ZBTB11: variants seen among roughly 807,000 people sequenced by gnomAD.
ZBTB11 encodes the protein zinc finger and BTB domain containing 11.
In ZBTB11, 68 loss-of-function variants were observed where a neutral mutation model predicts 113.1. The observed-to-expected ratio is 0.60, with a 90% CI of 0.49 to 0.74. The LOEUF (loss-of-function observed/expected upper bound fraction) is 0.74. ZBTB11 is among the 30% of genes least tolerant of loss of function. The pLI is 0.00. For missense variants in ZBTB11, 1,104 were observed against 1,279.4 expected (o/e 0.86, Z 2.09); for synonymous variants, 518 against 452.6 (o/e 1.14, Z -1.83).
In ZBTB11 at chr3:101,664,800, T is replaced by A. The variant is rs866129291; in HGVS notation, c.1624-86A>T. The stretch of plus-strand genomic sequence containing the variant: ...TGTTGTAAATTTCTAACAAAAAGAT[T>A]TCAAATTCACATTATCTTATTAATA... On this transcript the variant is annotated intron_variant, in intron 4 of 10. Coordinates refer to ENST00000312938, the MANE Select transcript of ZBTB11 (RefSeq NM_014415.4). The A allele has an allele frequency of 4.7e-6, 7 of 1,488,112 alleles. 1 individual carries two copies. The Middle Eastern group carries it at 7.2e-4, about 153-fold the overall frequency. The allele number at this position is 1,488,112 out of a possible 1,614,324, so 92.2% of individuals were successfully genotyped here. A position where few individuals can be genotyped will look rare whatever the true frequency, so the allele number is the denominator to read the frequency against.
Position 101,665,120 on chromosome 3 carries a change from T to C in ZBTB11, c.1467A>G (p.Ala489=), listed in dbSNP as rs910603935. The C allele has an allele frequency of 1.9e-6, 3 of 1,614,206 alleles. No homozygotes were observed. Among genetic ancestry groups the C allele is most frequent in the African/African-American group, 1.3e-5 (1 of 75,042 alleles). ...GGCCAAAGTCTGTCTTTGCTGTTGA[T>C]GCAACTAGATTTTCCTGATCTTTTA... ...QPLKDQENLV[A]STAKTDFGPD... Residue 489 remains alanine, a synonymous_variant, in exon 4 of 11, where the codon GCA becomes GCG. Transcript: ENST00000312938.
At chr3:101,658,416 GGCCAGGATTGTTA>G (rs1485138523) in intron 6 of ZBTB11, among the ~76,000 whole-genome samples, 1 of 151,874 alleles carries the variant, frequency 6.6e-6, no homozygotes, top group Non-Finnish European at 1.5e-5. Context: ...TAGTAGAGAT[GGCCAGGATTGTTA>G]GCCAGGATGG....
rs1936722518 is a variant in ZBTB11 at position 101,652,509 on chromosome 3, C to A, written c.2631G>T (p.Met877Ile). 1 of 1,613,788 alleles carries A rather than the reference C, an allele frequency of 6.2e-7. No homozygotes were observed. Among genetic ancestry groups the A allele is most frequent in the Non-Finnish European group, 8.5e-7 (1 of 1,179,946 alleles). Residue 877 changes from methionine to isoleucine, a missense_variant, in exon 10 of 11, where the codon ATG becomes ATT. Physicochemically the swap from Met to Ile is conservative, Grantham distance 10 (BLOSUM62 1). Around this residue, in one of 5 missense-constraint regions of ZBTB11, gnomAD observed 148 missense variants for 259.3 expected, o/e 0.57. Transcript: ENST00000312938. ...FTQLREYRRHMNNHEGVKPFE... is the reference protein window; with the variant it reads ...FTQLREYRRHINNHEGVKPFE... Reference sequence around the variant, plus strand: ...AAGTATAGTTACCTTCATGGTTGTTCATGTGTCTCCTATACTCTCTTAGCT... The same window carrying A: ...AAGTATAGTTACCTTCATGGTTGTTAATGTGTCTCCTATACTCTCTTAGCT...
At chr3:101,663,129 C>G (rs563683964) in intron 5 of ZBTB11, among the ~76,000 whole-genome samples, 1 of 151,964 alleles carries the variant, frequency 6.6e-6, no homozygotes, top group African/African-American at 2.4e-5. Flanking sequence ...TTAGTACAGG[C>G]GGGTTTCACC....
At position 101,665,126 on chromosome 3, in the gene ZBTB11, T is replaced by A; in HGVS notation, c.1461A>T (p.Leu487=). 1 of 1,614,212 alleles carries A rather than the reference T, an allele frequency of 6.2e-7. No individual in the cohort carries two copies. The highest frequency in any genetic ancestry group is 8.5e-7 in the Non-Finnish European group (1 of 1,180,040). Residue 487 remains leucine (L), a synonymous_variant, in exon 4 of 11, where the codon CTA becomes CTT. Transcript: ENST00000312938. ...AGTCTGTCTTTGCTGTTGATGCAAC[T>A]AGATTTTCCTGATCTTTTAAAGGTT... is the stretch of plus-strand genomic sequence containing the variant. ...VDQPLKDQEN[L]VASTAKTDFG...
chr3:101,664,050 T>C (rs977857582), intron 5 of ZBTB11, among the ~76,000 whole-genome samples: 10 of 152,198 alleles, frequency 6.6e-5, no homozygotes, highest in African/African-American at 2.2e-4. Flanking sequence ...TTCCAGAGAG[T>C]AGAAGATGGA....
chr3:101,665,377 C>T lies in ZBTB11; in HGVS notation c.1210G>A (p.Asp404Asn). Residue 404 changes from aspartate to asparagine, a missense_variant, in exon 4 of 11, where the codon GAT (aspartate) becomes AAT (asparagine). Transcript: ENST00000312938. ...ACAGACTCCATTTCAGGATGGGAAT[C>T]AGCTATACATCCTACTGATGACAGG... ...SALSSVGCIA[D>N]SHPEMESVDL... 1 of 1,614,164 alleles carries T rather than the reference C, an allele frequency of 6.2e-7. No individual in the cohort carries two copies. The highest frequency in any genetic ancestry group is 1.1e-5 in the South Asian group (1 of 91,078).
At chr3:101,664,313 G>T (rs988324499) in intron 5 of ZBTB11, among the ~76,000 whole-genome samples, 4 of 152,140 alleles carry the variant, frequency 2.6e-5, no homozygotes, top group Non-Finnish European at 5.9e-5. Flanking sequence ...TTTTTAAAAT[G>T]ATCTTTTTAC....
chr3:101,667,032 G>A (rs191413409), intron 3 of ZBTB11, among the ~76,000 whole-genome samples: 41 of 152,268 alleles, frequency 2.7e-4, no homozygotes, highest in Admixed American at 8.5e-4. Flanking sequence ...TTACAGGCGT[G>A]AGCCACCGCA....
intron 3 of ZBTB11, among the ~76,000 whole-genome samples, chr3:101,668,912 C>G (rs1352689530): frequency 2.6e-5 from 4 of 151,718 alleles, no homozygotes; most frequent in African/African-American, 9.7e-5. Context: ...AATTTGAAAA[C>G]TTTATAAAAA....
chr3:101,666,732 A>G (rs1399124498), intron 3 of ZBTB11, among the ~76,000 whole-genome samples: 1 of 152,060 alleles, frequency 6.6e-6, no homozygotes, highest in East Asian at 1.9e-4. Context: ...AGCCAAGCCA[A>G]TATTTTTATT....
chr3:101,667,010 A>G (rs1418999617), intron 3 of ZBTB11, among the ~76,000 whole-genome samples: 1 of 152,000 alleles, frequency 6.6e-6, no homozygotes, highest in Non-Finnish European at 1.5e-5. Flanking sequence ...CGGCCTCCCA[A>G]AAGTGCTGGG....
chr3:101,653,086 G>A, intron 8 of ZBTB11, 148 bp from the exon 9 acceptor site: 1 of 849,714 alleles, frequency 1.2e-6, no homozygotes, highest in Non-Finnish European at 1.8e-6. Context: ...TTACATAAAG[G>A]CTACAGGGTT....
In ZBTB11 at chr3:101,676,646, T is replaced by C. The variant is rs754844867; in HGVS notation, c.269A>G (p.His90Arg). ...CTTGGACAAGTAGTGCCAGGTCTGA[T>C]GCCGGGTGTGGTGAGTGCCGCCGGG... ...LGPGGTHHTR[H>R]QTWHYLSKTY... Residue 90 changes from histidine (H) to arginine (R), a missense_variant, in exon 1 of 11, where the codon CAT (histidine) becomes CGT (arginine). By Grantham distance (29) the His-to-Arg change is conservative (BLOSUM62 0). Transcript: ENST00000312938. 5.8e-6 allele frequency: 9 copies of C among 1,564,770 alleles called. No individual in the cohort carries two copies. Among genetic ancestry groups the C allele is most frequent in the Non-Finnish European group, 7.8e-6 (9 of 1,153,494 alleles).
intron 6 of ZBTB11, among the ~76,000 whole-genome samples, chr3:101,657,017 T>C (rs886443748): frequency 1.3e-5 from 2 of 151,316 alleles, no homozygotes. Flanking sequence ...GACAGGCATC[T>C]GTAATCCCAA....
intron 3 of ZBTB11, among the ~76,000 whole-genome samples, chr3:101,670,063 G>T (rs1937063841): frequency 6.6e-6 from 1 of 151,942 alleles, no homozygotes; most frequent in Admixed American, 6.6e-5. Context: ...CATGACCTCA[G>T]GTGATCCGCC....
At chr3:101,676,128 A>G (rs992219216) in intron 1 of ZBTB11, among the ~76,000 whole-genome samples, 2 of 152,388 alleles carry the variant, frequency 1.3e-5, no homozygotes, top group African/African-American at 4.8e-5. Flanking sequence ...AGAGCAGCTC[A>G]TACTCGCTCG....
At chr3:101,659,647 CAATA>C in intron 6 of ZBTB11, 132 bp downstream of exon 6, 1 of 1,041,750 alleles carries the variant, frequency 9.6e-7, no homozygotes, top group Non-Finnish European at 1.4e-6. Context: ...TTGATCTAGG[CAATA>C]AAGAAGTCAT....
intron 3 of ZBTB11, among the ~76,000 whole-genome samples, chr3:101,666,523 T>C (rs1936999426): frequency 1.3e-5 from 2 of 152,228 alleles, no homozygotes; most frequent in South Asian, 4.1e-4. Context: ...AAATAATTAC[T>C]ATACACATGA....
Sources: allele counts gnomAD v4.1 joint callset (sites outside exome capture counted in the v4.1 genomes callset), GRCh38; gene constraint gnomAD v4.1.1; regional missense constraint gnomAD v4.1.1; transcripts MANE v1.5; gene names NCBI Gene and HGNC (gene_info 2026-07-23, HGNC 2026-07-21).